PARVB: variants seen among roughly 807,000 people sequenced by gnomAD.
PARVB encodes beta-parvin.
PARVB carries 46 observed loss-of-function variants against 47.0 expected under a neutral mutation model. The ratio of observed to expected loss-of-function variants is 0.98; its 90% CI spans 0.77 to 1.25. The LOEUF is 1.25. PARVB is among the 50% of genes most tolerant of loss of function. The pLI is 0.00. For synonymous variants in PARVB, 196 were observed against 196.3 expected, an observed-to-expected ratio of 1.00 and a Z score of 0.01; for missense variants, 473 against 471.6, an observed-to-expected ratio of 1.00 and a Z score of -0.03.
intron 1 of PARVB, among the ~76,000 whole-genome samples, chr22:44,033,920 C>T (rs1264287152): frequency 6.6e-6 from 1 of 152,066 alleles, no homozygotes; most frequent in Non-Finnish European, 1.5e-5. Flanking sequence ...TCAAGTTACT[C>T]CAGACTCCAG....
chr22:44,148,371 C>G (rs981475798), intron 9 of PARVB: 17 of 207,252 alleles, frequency 8.2e-5, no homozygotes, highest in East Asian at 3.3e-4. Context: ...GCCCAGGCAG[C>G]CTGCTGGTCA....
At chr22:44,139,176 G>C (rs968561665) in intron 7 of PARVB, 1 of 152,216 alleles carries the variant, frequency 6.6e-6, no homozygotes, top group African/African-American at 2.4e-5. Flanking sequence ...GGAAACATGA[G>C]TAACCTGCAA....
intron 2 of PARVB, among the ~76,000 whole-genome samples, chr22:44,009,973 AT>A (rs774925613): frequency 2.6e-5 from 4 of 151,650 alleles, no homozygotes; most frequent in African/African-American, 7.3e-5. Flanking sequence ...CGCCCAGCTA[AT>A]TTTTTGTATT....
At chr22:44,133,189 A>T (rs899300005) in intron 6 of PARVB, among the ~76,000 whole-genome samples, 180 bp downstream of exon 6, 20 of 152,004 alleles carry the variant, frequency 1.3e-4, no homozygotes, top group Admixed American at 7.2e-4. Context: ...AACGGGAACA[A>T]TGGCATTGAT....
chr22:44,158,043 T>C lies in PARVB; in HGVS notation c.905T>C (p.Leu302Pro), dbSNP rs1353503687. The change falls in exon 11 of 13, where the codon CTC (leucine) becomes CCC (proline). Residue 302 changes from leucine to proline, a missense_variant. Leu to Pro is a moderately conservative substitution (Grantham distance 98). Transcript: ENST00000338758. ...CTTCTGGAAGACTACTTTGTTCCTC[T>C]CCACCACTTCTACCTGACTCCGGAA... ...MGLLEDYFVP[L>P]HHFYLTPESF... is the part of the protein sequence containing the mutation. 1.2e-6 allele frequency: 2 copies of C among 1,614,064 alleles called. No individual in the cohort carries two copies. Among genetic ancestry groups the C allele is most frequent in the Admixed American group, 3.3e-5 (2 of 60,022 alleles).
At position 44,073,655 on chromosome 22, in the gene PARVB, C is replaced by G. The variant is rs975481342; in HGVS notation, c.113-20273C>G. Among the ~76,000 whole-genome samples the G allele has an allele frequency of 2.0e-5, 3 of 152,210 alleles. No homozygotes were observed. The East Asian group carries it at 5.8e-4, about 29-fold the overall frequency. On this transcript the variant is annotated intron_variant, in intron 1 of 12. Transcript: ENST00000338758. ...TCTGTGTAGCTGAGGAGGTGGGGCC[C>G]GCTTGCCCCCCTTTGAATTTTGGGT...
At position 44,119,097 on chromosome 22, in the gene PARVB, G is replaced by A. The variant is rs866349138; in HGVS notation, c.333G>A (p.Leu111=). 9 of 1,614,144 alleles carry A rather than the reference G, an allele frequency of 5.6e-6. No homozygotes were observed. In the Middle Eastern group the frequency reaches 1.2e-3, roughly 207 times the overall value. Residue 111 remains leucine (L), a synonymous_variant, in exon 4 of 13, where the codon CTG becomes CTA. Transcript: ENST00000338758. ...AGGAGAGGATCATTGTGAAGCAGCT[G>A]GAGGAAGACCTGTATGACGGCCAGG... ...LVEERIIVKQ[L]EEDLYDGQVL... is the part of the protein sequence containing the mutation.
intron 2 of PARVB, among the ~76,000 whole-genome samples, chr22:44,012,559 T>C (rs1182809134): frequency 1.3e-5 from 2 of 152,226 alleles, no homozygotes; most frequent in East Asian, 3.8e-4. Context: ...ATATTATGGT[T>C]ACAGCGTGCT....
intron 1 of PARVB, among the ~76,000 whole-genome samples, chr22:44,031,127 C>T (rs960309447): frequency 1.8e-4 from 27 of 152,256 alleles, no homozygotes; most frequent in Admixed American, 1.6e-3. Flanking sequence ...GAGCAGAGGC[C>T]GTCTCCGTTT....
chr22:44,115,504 C>CCAACA (rs2052863141), intron 3 of PARVB: 1 of 37,760 alleles, frequency 2.6e-5, no homozygotes, highest in African/African-American at 1.9e-4. Context: ...AGGCCCTGCA[C>CCAACA]CAGAACGGAT....
intron 11 of PARVB, among the ~76,000 whole-genome samples, chr22:44,159,956 A>G (rs1291605196): frequency 6.6e-6 from 1 of 152,230 alleles, no homozygotes; most frequent in Non-Finnish European, 1.5e-5. Context: ...GAGCAAAACC[A>G]GAGATGCGTC....
At chr22:44,121,580 A>G (rs1420866264) in intron 4 of PARVB, among the ~76,000 whole-genome samples, 1 of 151,996 alleles carries the variant, frequency 6.6e-6, no homozygotes, top group Non-Finnish European at 1.5e-5. Context: ...ATCCCCTAAA[A>G]TAGAATAACA....
chr22:44,052,739 T>A (rs1288651297), intron 1 of PARVB, among the ~76,000 whole-genome samples: 1 of 152,044 alleles, frequency 6.6e-6, no homozygotes, highest in East Asian at 1.9e-4. Context: ...GCCCAGGAGT[T>A]CAAGACCAGC....
At position 44,151,497 on chromosome 22, in the gene PARVB, T is replaced by C; in HGVS notation, c.789T>C (p.Phe263=). The C allele has an allele frequency of 6.2e-7, 1 of 1,613,918 alleles. No individual in the cohort carries two copies. Among genetic ancestry groups the C allele is most frequent in the Middle Eastern group, 1.6e-4 (1 of 6,062 alleles). Residue 263 remains phenylalanine, a synonymous_variant, in exon 10 of 13, where the codon TTT becomes TTC. Transcript: ENST00000338758. ...ATTCTTGGCAGTCTCTCATCACTTT[T>C]GTGAACAAGCACCTGAACAAGCTGA... ...LSVVKKSLIT[F]VNKHLNKLNL...
intron 1 of PARVB, among the ~76,000 whole-genome samples, chr22:44,040,424 A>G (rs879902568): frequency 1.3e-5 from 2 of 152,196 alleles, no homozygotes; most frequent in Non-Finnish European, 2.9e-5. Context: ...TGATTAAGTT[A>G]AGAACCTTGA....
intron 2 of PARVB, among the ~76,000 whole-genome samples, chr22:43,999,907 TTAGG>T (rs1390068600): frequency 2.0e-5 from 3 of 148,900 alleles, no homozygotes; most frequent in African/African-American, 7.5e-5. Flanking sequence ...CTTGGGAGAC[TTAGG>T]TGGGAGGATC....
chr22:44,145,890 T>A (rs578257669), intron 8 of PARVB: 4 of 147,326 alleles, frequency 2.7e-5, no homozygotes, highest in Non-Finnish European at 1.5e-5. Context: ...TTTGTAAAGA[T>A]GTAAAAATTT....
At chr22:44,136,436 G>C in intron 6 of PARVB, 24 bp from the exon 7 acceptor site, 1 of 1,611,404 alleles carries the variant, frequency 6.2e-7, no homozygotes, top group Non-Finnish European at 8.5e-7. Flanking sequence ...GCCTGATTTT[G>C]TATGTTTATT....
chr22:44,003,478 TA>T (rs2050433129), intron 2 of PARVB, among the ~76,000 whole-genome samples: 1 of 152,152 alleles, frequency 6.6e-6, no homozygotes, highest in Non-Finnish European at 1.5e-5. Context: ...CTGTATCTAG[TA>T]AAGGCTAAGT....
Sources: gnomAD v4.1 joint callset for allele counts (sites outside exome capture counted in the v4.1 genomes callset) on GRCh38, gnomAD v4.1.1 for gene constraint, MANE v1.5 for transcripts, NCBI Gene and HGNC (gene_info 2026-07-23, HGNC 2026-07-21) for gene names.